SPAG16: variants seen among roughly 807,000 people sequenced by gnomAD.
The protein encoded by SPAG16 is sperm-associated antigen 16 protein.
In SPAG16, 86 loss-of-function variants were observed where a neutral mutation model predicts 80.4. The observed-to-expected ratio is 1.07, with a 90% confidence interval of 0.90 to 1.28. The LOEUF is 1.28. SPAG16 is among the 50% of genes most tolerant of loss of function. SPAG16 has a pLI of 0.00. For synonymous variants in SPAG16, 294 were observed against 265.9 expected (o/e 1.11, Z -1.03); for missense variants, 870 against 765.3 (o/e 1.14, Z -1.61).
chr2:213,900,441 A>G (rs1244308199), intron 11 of SPAG16, among the ~76,000 whole-genome samples: 1 of 152,164 alleles, frequency 6.6e-6, no homozygotes, highest in Non-Finnish European at 1.5e-5. Context: ...TGTAAGATAA[A>G]TTGTTAGCAA....
chr2:214,002,775 T>C (rs1360898898), intron 12 of SPAG16, among the ~76,000 whole-genome samples: 1 of 152,204 alleles, frequency 6.6e-6, no homozygotes, highest in East Asian at 1.9e-4. Flanking sequence ...ATTTTAGTTA[T>C]ATTTATGCCC....
At chr2:214,234,808 A>G (rs991113576) in intron 15 of SPAG16, among the ~76,000 whole-genome samples, 2 of 152,032 alleles carry the variant, frequency 1.3e-5, no homozygotes, top group African/African-American at 4.8e-5. Context: ...AAAGGGTTTT[A>G]TTATTTTTAT....
intron 1 of SPAG16, among the ~76,000 whole-genome samples, chr2:213,284,904 G>A (rs543347776): frequency 6.6e-6 from 1 of 152,178 alleles, no homozygotes; most frequent in East Asian, 1.9e-4. Context: ...ATGGAGGGTT[G>A]CTTTTTATGT....
chr2:214,285,781 C>A (rs1056274835), intron 15 of SPAG16, among the ~76,000 whole-genome samples: 2 of 151,802 alleles, frequency 1.3e-5, no homozygotes, highest in African/African-American at 2.4e-5. Flanking sequence ...CCAGCCCTGG[C>A]GATAATGCAA....
At chr2:213,414,580 T>C (rs1036717129) in intron 9 of SPAG16, among the ~76,000 whole-genome samples, 1 of 152,236 alleles carries the variant, frequency 6.6e-6, no homozygotes, top group African/African-American at 2.4e-5. Context: ...GGGACTGTTT[T>C]TCCCTCTAAG....
At chr2:214,032,132 A>C (rs562011845) in intron 13 of SPAG16, among the ~76,000 whole-genome samples, 5 of 152,130 alleles carry the variant, frequency 3.3e-5, no homozygotes, top group Non-Finnish European at 7.4e-5. Context: ...TCACCTCCCA[A>C]ATAAATGAAC....
intron 1 of SPAG16, among the ~76,000 whole-genome samples, chr2:213,285,451 GAGGT>G (rs896994292): frequency 1.9e-4 from 29 of 152,276 alleles, no homozygotes; most frequent in African/African-American, 6.7e-4. Context: ...TTTATTCAGG[GAGGT>G]AAGAAAGAGA....
At chr2:213,686,237 G>A (rs781619120) in intron 10 of SPAG16, among the ~76,000 whole-genome samples, 10 of 152,144 alleles carry the variant, frequency 6.6e-5, no homozygotes, top group Admixed American at 1.3e-4. Flanking sequence ...TCCTGCCTCA[G>A]CCTCCTGAGC....
chr2:214,288,759 A>ATTTATTTATTTATTTG lies in SPAG16; in HGVS notation c.1721-121366_1721-121365insGTTTATTTATTTATTT, dbSNP rs1693572733. On this transcript the variant is annotated intron_variant, in intron 15 of 15. Transcript: ENST00000331683. ...TCTATTGTCCTTTGCCCACTTATTTATTTATTTATTTATTTATTTATTTAT... is the reference window on the plus strand; with the variant it reads ...TCTATTGTCCTTTGCCCACTTATTTATTTATTTATTTATTTGTTTATTTATTTATTTATTTATTTAT... Among the ~76,000 whole-genome samples the ATTTATTTATTTATTTG allele has an allele frequency of 7.4e-5, 11 of 148,406 alleles. No individual in the cohort carries two copies. The South Asian group carries it at 2.4e-3, about 32-fold the overall frequency.
intron 10 of SPAG16, among the ~76,000 whole-genome samples, chr2:213,821,399 T>C (rs2072925192): frequency 1.3e-5 from 2 of 152,144 alleles, no homozygotes; most frequent in Admixed American, 1.3e-4. Flanking sequence ...GATTAGGTTG[T>C]TATTAAGTTC....
chr2:214,307,050 C>G (rs1694966358), intron 15 of SPAG16, among the ~76,000 whole-genome samples: 1 of 151,824 alleles, frequency 6.6e-6, no homozygotes, highest in Non-Finnish European at 1.5e-5. Flanking sequence ...TTATTGTTGC[C>G]TTGATTTCAG....
intron 15 of SPAG16, among the ~76,000 whole-genome samples, chr2:214,247,923 G>A (rs939666065): frequency 6.6e-6 from 1 of 152,012 alleles, no homozygotes; most frequent in Non-Finnish European, 1.5e-5. Flanking sequence ...AGCTACTCAG[G>A]ATGCTGAAGC....
chr2:213,447,883 T>C (rs1260735722), intron 9 of SPAG16, among the ~76,000 whole-genome samples: 1 of 152,240 alleles, frequency 6.6e-6, no homozygotes, highest in African/African-American at 2.4e-5. Flanking sequence ...TACCCAGACC[T>C]TGGGAATCTT....
chr2:213,515,302 A>C (rs2075379388), intron 10 of SPAG16, among the ~76,000 whole-genome samples: 1 of 152,156 alleles, frequency 6.6e-6, no homozygotes, highest in African/African-American at 2.4e-5. Context: ...CTTTCAAAAC[A>C]AGAAAGCCCA....
At chr2:213,407,828 C>CAG (rs201115397) in intron 9 of SPAG16, among the ~76,000 whole-genome samples, 3 of 60,810 alleles carry the variant, frequency 4.9e-5, no homozygotes, top group Admixed American at 2.0e-4. Context: ...AGGAGAGAGG[C>CAG]AGAGAGAGAG....
At chr2:213,354,782 G>T (rs902938502) in intron 7 of SPAG16, among the ~76,000 whole-genome samples, 1 of 152,180 alleles carries the variant, frequency 6.6e-6, no homozygotes, top group African/African-American at 2.4e-5. Flanking sequence ...CAGATGGGTA[G>T]ATGGCAAAAA....
intron 15 of SPAG16, among the ~76,000 whole-genome samples, chr2:214,329,220 G>C (rs542761837): frequency 6.6e-6 from 1 of 152,214 alleles, no homozygotes; most frequent in African/African-American, 2.4e-5. Flanking sequence ...AGTATGACAA[G>C]ATGCAGCCAA....
chr2:213,362,503 T>G (rs1360847639), intron 7 of SPAG16, among the ~76,000 whole-genome samples: 3 of 152,182 alleles, frequency 2.0e-5, no homozygotes, highest in Non-Finnish European at 2.9e-5. Flanking sequence ...CCTGTCAACC[T>G]TCTCATCATG....
At chr2:214,063,925 A>ACTCC (rs199765243) in intron 13 of SPAG16, among the ~76,000 whole-genome samples, 3,787 of 152,216 alleles carry the variant, frequency 0.025, 104 homozygotes, top group South Asian at 0.15. Flanking sequence ...TAATTTATAT[A>ACTCC]CTCCCAACTT....
Sources: allele counts gnomAD v4.1 joint callset (sites outside exome capture counted in the v4.1 genomes callset), GRCh38; gene constraint gnomAD v4.1.1; transcripts MANE v1.5; gene names NCBI Gene and HGNC (gene_info 2026-07-23, HGNC 2026-07-21).